Variants in WWP2 observed in about 807,000 individuals in gnomAD.
WWP2 encodes the protein WW domain containing E3 ubiquitin protein ligase 2.
WWP2 carries 57 observed loss-of-function variants against 121.0 expected under a neutral mutation model. That is an observed-to-expected ratio of 0.47 (90% confidence interval 0.38 to 0.59). The LOEUF is 0.59. Among genes scored for constraint, WWP2 ranks in the 20% least tolerant of loss-of-function variants. The probability of loss-of-function intolerance (pLI) is 0.00; values close to 1 mark genes in which losing one functional copy is unlikely to be tolerated. For missense variants in WWP2, 962 were observed against 1,158.9 expected, an observed-to-expected ratio of 0.83 and a Z score of 2.47; for synonymous variants, 449 against 441.3, an observed-to-expected ratio of 1.02 and a Z score of -0.22.
chr16:69,778,173 AATAT>A (rs1199845166), intron 1 of WWP2, among the ~76,000 whole-genome samples: 2 of 118,006 alleles, frequency 1.7e-5, no homozygotes, highest in African/African-American at 6.5e-5. Context: ...ACTATAAATA[AATAT>A]ATATATATAT....
At chr16:69,858,704 A>G (rs1482165601) in intron 6 of WWP2, among the ~76,000 whole-genome samples, 1 of 152,222 alleles carries the variant, frequency 6.6e-6, no homozygotes. Context: ...GAATCAGAGA[A>G]GAATTGACAC....
chr16:69,939,738 C>G, intron 23 of WWP2, 103 bp from the exon 24 acceptor site: 1 of 1,066,426 alleles, frequency 9.4e-7, no homozygotes, highest in South Asian at 1.5e-5. Context: ...GAGCCCTAGC[C>G]AGTGTGGTGC....
rs1236671336 is a variant in WWP2, at chr16:69,799,271, G to A, written c.316G>A (p.Val106Ile). 9.3e-6 allele frequency: 15 copies of A among 1,613,958 alleles called. No homozygotes were observed. The highest frequency in any genetic ancestry group is 2.2e-5 in the East Asian group (1 of 44,890). ...CACCGCATCTGTCAACCTCTCCAAC[G>A]TCTTGAAGAACAATGGGGGCAAAAG... is the stretch of plus-strand genomic sequence containing the variant. ...LGTASVNLSNVLKNNGGKMEN... is the reference protein window; with the variant it reads ...LGTASVNLSNILKNNGGKMEN... Residue 106 changes from valine (V) to isoleucine (I), a missense_variant, in exon 4 of 24, where the codon GTC (valine) becomes ATC (isoleucine). Physicochemically the swap from Val to Ile is conservative, Grantham distance 29 (BLOSUM62 3). Around this residue, in one of 3 missense-constraint regions of WWP2, gnomAD observed 145 missense variants for 189.8 expected, o/e 0.76. Coordinates refer to ENST00000359154, the MANE Select transcript of WWP2 (RefSeq NM_001270454.2). The surrounding 1 kb of genome is among the most constrained non-coding windows in gnomAD (Gnocchi z 4.5).
chr16:69,866,924 G>A (rs575679758), intron 6 of WWP2, among the ~76,000 whole-genome samples: 9 of 152,004 alleles, frequency 5.9e-5, no homozygotes, highest in South Asian at 4.1e-4. Flanking sequence ...TGAAACCTCC[G>A]CCTCCTGGAT....
At chr16:69,933,894 T>C in intron 16 of WWP2, 76 bp from the exon 17 acceptor site, 1 of 1,526,808 alleles carries the variant, frequency 6.5e-7, no homozygotes, top group Non-Finnish European at 8.9e-7. Flanking sequence ...GACACGATGG[T>C]GAAGAGACAC....
chr16:69,796,858 T>C (rs1440851068), intron 2 of WWP2, among the ~76,000 whole-genome samples: 2 of 152,220 alleles, frequency 1.3e-5, no homozygotes, highest in Non-Finnish European at 2.9e-5. Flanking sequence ...TTCTGTTCCT[T>C]TGGGGCCAGA....
chr16:69,821,646 A>G (rs1381305744), intron 4 of WWP2, among the ~76,000 whole-genome samples: 2 of 151,878 alleles, frequency 1.3e-5, no homozygotes, highest in Admixed American at 6.6e-5. Context: ...CCTTTTCTAC[A>G]GGTATATTGT....
intron 10 of WWP2, among the ~76,000 whole-genome samples, chr16:69,922,991 G>C (rs2058584614): frequency 6.6e-6 from 1 of 152,030 alleles, no homozygotes; most frequent in Non-Finnish European, 1.5e-5. Flanking sequence ...CTGGGTTTAA[G>C]CGATTATCCT....
intron 11 of WWP2, among the ~76,000 whole-genome samples, chr16:69,929,172 C>T (rs1290436291): frequency 6.6e-6 from 1 of 152,120 alleles, no homozygotes; most frequent in African/African-American, 2.4e-5. Context: ...TGGGTGGCCA[C>T]ACCACCCCCT....
intron 4 of WWP2, among the ~76,000 whole-genome samples, chr16:69,812,467 AAC>A (rs2056411618): frequency 1.1e-4 from 11 of 102,458 alleles, no homozygotes; most frequent in African/African-American, 5.0e-4. Flanking sequence ...GCCTGCCCCC[AAC>A]CCCCCCCCTT....
At position 69,837,758 on chromosome 16, in the gene WWP2, G is replaced by C. The variant is rs186263118; in HGVS notation, c.341-2368G>C. On this transcript the variant is annotated intron_variant, in intron 4 of 23. Transcript: ENST00000359154. ...CATCCCTCAGCACGCTTCCAATAGC[G>C]GTGTGTGTCCTGGAGCCAGAAGGCT... 1.6e-3 allele frequency among the ~76,000 whole-genome samples: 249 copies of C among 152,306 alleles called. 1 individual carries two copies. The highest frequency in any genetic ancestry group is 6.8e-3 in the Middle Eastern group (2 of 294).
chr16:69,901,391 A>G (rs1427392097), intron 8 of WWP2, among the ~76,000 whole-genome samples: 2 of 152,132 alleles, frequency 1.3e-5, no homozygotes, highest in African/African-American at 2.4e-5. Context: ...TTTCTTTAGG[A>G]TGTGAAAGGG....
In WWP2 at chr16:69,784,931, T is replaced by C. The variant is rs1245423981; in HGVS notation, c.-15-2065T>C. Among the ~76,000 whole-genome samples, 4 of 152,050 alleles carry C rather than the reference T, an allele frequency of 2.6e-5. No individual in the cohort carries two copies. In the South Asian group the frequency reaches 8.3e-4, roughly 32 times the overall value. On this transcript the variant is annotated intron_variant, in intron 1 of 23. Transcript: ENST00000359154. Reference sequence around the variant, plus strand: ...CCAATGATAAAATATGAGTTTTTTTTTTTTTTAAAGAAAAGAAAGAGTGGT... The same window carrying C: ...CCAATGATAAAATATGAGTTTTTTTCTTTTTTAAAGAAAAGAAAGAGTGGT...
intron 4 of WWP2, among the ~76,000 whole-genome samples, chr16:69,828,604 A>G (rs1178239198): frequency 6.6e-6 from 1 of 152,072 alleles, no homozygotes; most frequent in Non-Finnish European, 1.5e-5. Flanking sequence ...ACCTCAGGTG[A>G]TCCGCCTGCC....
chr16:69,793,110 C>A (rs1567668301), intron 2 of WWP2, among the ~76,000 whole-genome samples: 1 of 152,086 alleles, frequency 6.6e-6, no homozygotes, highest in African/African-American at 2.4e-5. Flanking sequence ...AATCCGAGCA[C>A]TTTGGGAGGC....
intron 8 of WWP2, among the ~76,000 whole-genome samples, chr16:69,896,627 G>GA (rs899612545): frequency 1.4e-4 from 21 of 150,882 alleles, no homozygotes; most frequent in Non-Finnish European, 2.8e-4. Flanking sequence ...TGGAAAATTA[G>GA]AAAAAAATAG....
intron 16 of WWP2, 25 bp from the exon 17 acceptor site, chr16:69,933,945 G>C: frequency 6.2e-7 from 1 of 1,610,016 alleles, no homozygotes; most frequent in Non-Finnish European, 8.5e-7. Flanking sequence ...CATTATTCTT[G>C]TCTTTTCTGT....
At chr16:69,802,202 C>G (rs1230238922) in intron 4 of WWP2, among the ~76,000 whole-genome samples, 1 of 152,154 alleles carries the variant, frequency 6.6e-6, no homozygotes, top group Non-Finnish European at 1.5e-5. Context: ...TGCTGGATTA[C>G]AGGCATGAGC....
intron 7 of WWP2, among the ~76,000 whole-genome samples, chr16:69,883,763 A>G (rs572702763): frequency 1.3e-5 from 2 of 152,230 alleles, no homozygotes; most frequent in South Asian, 4.2e-4. Flanking sequence ...CAGAAGAGCT[A>G]CTATGGGTGA....
Sources: gnomAD v4.1 joint callset for allele counts (sites outside exome capture counted in the v4.1 genomes callset) on GRCh38, gnomAD v4.1.1 for gene constraint, gnomAD v4.1.1 regional missense constraint, Gnocchi (gnomAD v3.1) non-coding constraint, MANE v1.5 for transcripts, NCBI Gene and HGNC (gene_info 2026-07-23, HGNC 2026-07-21) for gene names.